Variants in MTRF1 observed in about 807,000 individuals in gnomAD.
MTRF1 encodes peptide chain release factor 1, mitochondrial.
A neutral mutation model predicts 62.9 loss-of-function variants in MTRF1; 51 were observed. That is an observed-to-expected ratio of 0.81 (90% CI 0.65 to 1.02). The LOEUF (loss-of-function observed/expected upper bound fraction) is 1.02, where lower values mean the gene tolerates loss of function less well. Among genes scored for constraint, MTRF1 ranks in the 50% least tolerant of loss-of-function variants. The probability of loss-of-function intolerance (pLI) is 0.00; values close to 1 mark genes in which losing one functional copy is unlikely to be tolerated. For missense variants in MTRF1, 446 were observed against 530.0 expected (o/e 0.84, Z 1.56); for synonymous variants, 158 against 181.9 (o/e 0.87, Z 1.06).
chr13:41,273,197 G>A, the MTRF1 span, among the ~76,000 whole-genome samples: 2 of 151,708 alleles, frequency 1.3e-5, no homozygotes, highest in Non-Finnish European at 2.9e-5. Flanking sequence ...GTGGTGGTGG[G>A]CGCCTGTAGT....
At position 41,223,332 on chromosome 13, in the gene MTRF1, TC is replaced by T; in HGVS notation, c.1147del (p.Glu383SerfsTer18). 6.2e-7 allele frequency: 1 copy of T among 1,614,028 alleles called. No individual in the cohort carries two copies. The highest frequency in any genetic ancestry group is 8.5e-7 in the Non-Finnish European group (1 of 1,179,952). ...GGTGAAATTATATGTCCGAATTCGC[TC>T]TGACTGGGCTCTTGTTCCCACCTGT... ...KLQVGTRAQSERIRTYNFTQD... is the reference protein window; with the variant it reads ...KLQVGTRAQSXRIRTYNFTQD... On this transcript the variant is annotated frameshift_variant, in exon 9 of 10. Transcript: ENST00000379480. LOFTEE classifies it high-confidence loss of function.
Position 41,223,366 on chromosome 13 carries a change from C to T in MTRF1, c.1126-12G>A. 1.2e-6 allele frequency: 2 copies of T among 1,604,710 alleles called. No individual in the cohort carries two copies. Among genetic ancestry groups the T allele is most frequent in the African/African-American group, 1.3e-5 (1 of 74,706 alleles). Reference sequence around the variant, plus strand: ...GCTCTTGTTCCCACCTGTGCCATAACAAAAAGCAATTTATATTTTACCTTT... The same window carrying T: ...GCTCTTGTTCCCACCTGTGCCATAATAAAAAGCAATTTATATTTTACCTTT... On this transcript the variant is annotated splice_polypyrimidine_tract_variant and intron_variant, in intron 8 of 9. Coordinates refer to ENST00000379480, the MANE Select transcript of MTRF1 (RefSeq NM_004294.4).
chr13:41,238,658 GA>G (rs2037062878), intron 6 of MTRF1, among the ~76,000 whole-genome samples: 1 of 152,132 alleles, frequency 6.6e-6, no homozygotes, highest in Non-Finnish European at 1.5e-5. Context: ...TTAGGAACAG[GA>G]TATATGTACC....
At chr13:41,288,361 T>C in the MTRF1 span, 1 of 229,390 alleles carries the variant, frequency 4.4e-6, no homozygotes, top group Non-Finnish European at 8.7e-6. Flanking sequence ...GGTTAGGCAC[T>C]AAGGCAAGAA....
the MTRF1 span, among the ~76,000 whole-genome samples, chr13:41,284,506 T>C: frequency 6.8e-6 from 1 of 146,044 alleles, no homozygotes; most frequent in South Asian, 2.2e-4. Context: ...ATTAGGCCAC[T>C]GCACTCCAGC....
At chr13:41,283,823 C>G in the MTRF1 span, among the ~76,000 whole-genome samples, 1 of 151,776 alleles carries the variant, frequency 6.6e-6, no homozygotes, top group African/African-American at 2.4e-5. Context: ...GTGATCCACC[C>G]GCCTCGGCCT....
At chr13:41,271,590 C>T in the MTRF1 span, among the ~76,000 whole-genome samples, 172 of 152,184 alleles carry the variant, frequency 1.1e-3, 2 homozygotes, top group Non-Finnish European at 3.2e-4. Context: ...CTAAGATCTC[C>T]GAGAGGGCTT....
chr13:41,258,360 G>C (rs1040634306), intron 2 of MTRF1, among the ~76,000 whole-genome samples: 1 of 152,054 alleles, frequency 6.6e-6, no homozygotes, highest in East Asian at 1.9e-4. Context: ...TGAATCATAG[G>C]TTAGTTCATT....
chr13:41,277,129 CTTTT>C, the MTRF1 span, among the ~76,000 whole-genome samples: 1 of 142,060 alleles, frequency 7.0e-6, no homozygotes. Context: ...ATCAATTAAA[CTTTT>C]TTTTTTTTTT....
chr13:41,220,543 G>C, intron 9 of MTRF1: 2 of 1,269,156 alleles, frequency 1.6e-6, no homozygotes, highest in Non-Finnish European at 2.1e-6. Context: ...TTACCTAACA[G>C]AAGAAGTCAT....
chr13:41,271,090 C>T, the MTRF1 span, among the ~76,000 whole-genome samples: 1 of 132,688 alleles, frequency 7.5e-6, no homozygotes, highest in African/African-American at 3.2e-5. Flanking sequence ...CACACACACA[C>T]ACCCCATATA....
At chr13:41,283,585 C>CTTTTTTTTTTTTTTTTTTTTT in the MTRF1 span, among the ~76,000 whole-genome samples, 3 of 83,566 alleles carry the variant, frequency 3.6e-5, no homozygotes, top group East Asian at 4.2e-4. Flanking sequence ...CTCTGACAAT[C>CTTTTTTTTTTTTTTTTTTTTT]TTTTTTTTTT....
In MTRF1 at chr13:41,217,066, A is replaced by G. The variant is rs1441037043; in HGVS notation, c.*49T>C. On this transcript the variant is annotated 3_prime_UTR_variant, in exon 10 of 10. Coordinates refer to ENST00000379480, the MANE Select transcript of MTRF1 (RefSeq NM_004294.4). ...TTTCCAAGCTTCAGTCTGCCTCTTG[A>G]TATAGGTCCATTTCATTTATATAAT... 1 of 1,080,112 alleles carries G rather than the reference A, an allele frequency of 9.3e-7. No homozygotes were observed. The highest frequency in any genetic ancestry group is 1.4e-6 in the Non-Finnish European group (1 of 731,966). The allele number at this position is 1,080,112 out of a possible 1,614,324, so 66.9% of individuals were successfully genotyped here. A position where few individuals can be genotyped will look rare whatever the true frequency, so the allele number is the denominator to read the frequency against.
At chr13:41,218,753 G>C (rs186203614) in intron 9 of MTRF1, among the ~76,000 whole-genome samples, 37 of 152,240 alleles carry the variant, frequency 2.4e-4, no homozygotes, top group African/African-American at 8.9e-4. Context: ...TTTTGATATA[G>C]TTATGAACTA....
the MTRF1 span, chr13:41,311,274 G>A: frequency 3.6e-6 from 2 of 551,200 alleles, no homozygotes; most frequent in Non-Finnish European, 6.3e-6. Context: ...CTTGCAGTGC[G>A]CGGGAACCGC....
chr13:41,306,396 A>G, the MTRF1 span, among the ~76,000 whole-genome samples: 2 of 150,156 alleles, frequency 1.3e-5, no homozygotes, highest in African/African-American at 4.9e-5. Context: ...AAAAAAAAAA[A>G]GGAAAGAAAG....
At chr13:41,269,667 T>C in the MTRF1 span, among the ~76,000 whole-genome samples, 1 of 152,060 alleles carries the variant, frequency 6.6e-6, no homozygotes, top group Non-Finnish European at 1.5e-5. Flanking sequence ...TATAATTTTA[T>C]ATTCTAAATT....
chr13:41,223,405 T>C (rs776299659), intron 8 of MTRF1, 51 bp from the exon 9 acceptor site: 1 of 1,460,750 alleles, frequency 6.8e-7, no homozygotes, highest in Admixed American at 1.7e-5. Flanking sequence ...AATGTCTTCA[T>C]TACAATGGAA....
chr13:41,226,683 A>G (rs2034490046), intron 7 of MTRF1, 115 bp from the exon 8 acceptor site: 1 of 1,253,492 alleles, frequency 8.0e-7, no homozygotes, highest in Non-Finnish European at 1.1e-6. Context: ...AGATACAAAC[A>G]TTTTAGGTTT....
Sources: allele counts gnomAD v4.1 joint callset (sites outside exome capture counted in the v4.1 genomes callset), GRCh38; gene constraint gnomAD v4.1.1; transcripts MANE v1.5; gene names NCBI Gene and HGNC (gene_info 2026-07-23, HGNC 2026-07-21).